Variants in PDZK1 observed in about 807,000 individuals in gnomAD.
The protein encoded by PDZK1 is Na(+)/H(+) exchange regulatory cofactor NHE-RF3.
Under a neutral mutation model 38.1 loss-of-function variants are expected in PDZK1, and 23 were observed. That is an observed-to-expected ratio of 0.60 (90% CI 0.43 to 0.85). PDZK1 has a LOEUF of 0.85. PDZK1 is among the 40% of genes least tolerant of loss of function. The pLI is 0.00. For missense variants in PDZK1, 297 were observed against 504.3 expected, an observed-to-expected ratio of 0.59 and a Z score of 3.94; for synonymous variants, 98 against 186.2, an observed-to-expected ratio of 0.53 and a Z score of 3.86.
intron 6 of PDZK1, chr1:145,674,199 A>G (rs1340398271): frequency 2.0e-6 from 2 of 985,306 alleles, no homozygotes; most frequent in African/African-American, 3.5e-5. Flanking sequence ...CATGATAGTG[A>G]GCAAGTCACT....
intron 3 of PDZK1, among the ~76,000 whole-genome samples, chr1:145,683,786 G>A (rs1654487558): frequency 6.6e-6 from 1 of 151,068 alleles, no homozygotes; most frequent in South Asian, 2.1e-4. Context: ...TCAGCATACA[G>A]TATTTTTTCT....
intron 1 of PDZK1, among the ~76,000 whole-genome samples, chr1:145,697,763 A>ATTTTTTTTTTTTTTTTTTTTTTTTTTTT (rs10564713): frequency 2.2e-5 from 1 of 44,940 alleles, no homozygotes. Context: ...TGCCCAGCTA[A>ATTTTTTTTTTTTTTTTTTTTTTTTTTTT]TTTTTTTTTT....
At chr1:145,700,864 G>A (rs1158247690) in intron 1 of PDZK1, among the ~76,000 whole-genome samples, 2 of 152,262 alleles carry the variant, frequency 1.3e-5, no homozygotes, top group South Asian at 2.1e-4. Flanking sequence ...CTCCCCACAA[G>A]GCACTTACAT....
rs1553704539 is a variant in PDZK1, at chr1:145,698,563, C to T, written c.-3+8754G>A. Among the ~76,000 whole-genome samples, 21 of 152,054 alleles carry T rather than the reference C, an allele frequency of 1.4e-4. 1 individual carries two copies. ...CATGGGTTCCCATGGATTTTTCTTA[C>T]AGTAATATACATCAAGAATAGAAAA... On this transcript the variant is annotated intron_variant, in intron 1 of 8. Coordinates refer to ENST00000417171, the MANE Select transcript of PDZK1 (RefSeq NM_001201325.2).
In PDZK1 at chr1:145,679,167, C is replaced by CTTTT. The variant is rs1571587405; in HGVS notation, c.794-523_794-522insAAAA. Among the ~76,000 whole-genome samples the CTTTT allele has an allele frequency of 2.7e-5, 4 of 148,308 alleles. No individual in the cohort carries two copies. The East Asian group carries it at 7.8e-4, about 29-fold the overall frequency. On this transcript the variant is annotated intron_variant, in intron 5 of 8. Coordinates refer to ENST00000417171, the MANE Select transcript of PDZK1 (RefSeq NM_001201325.2). ...CTTCTGGTATCTTCACCAGATGCTG[C>CTTTT]CTTTTTTTTTTTTTTTAACAAGTTC... is the stretch of plus-strand genomic sequence containing the variant.
chr1:145,693,894 C>G (rs1303439916), intron 1 of PDZK1, among the ~76,000 whole-genome samples: 1 of 152,098 alleles, frequency 6.6e-6, no homozygotes, highest in African/African-American at 2.4e-5. Context: ...TCACAGCCAC[C>G]CTGGGCTCAC....
chr1:145,702,571 C>T (rs1192773013), intron 1 of PDZK1, among the ~76,000 whole-genome samples: 1 of 151,964 alleles, frequency 6.6e-6, no homozygotes, highest in African/African-American at 2.4e-5. Context: ...ATACTACCAT[C>T]TCAAAAATAA....
chr1:145,688,348 C>G (rs1311164824), intron 1 of PDZK1, among the ~76,000 whole-genome samples: 3 of 152,070 alleles, frequency 2.0e-5, no homozygotes, highest in African/African-American at 7.2e-5. Context: ...ATACATGACC[C>G]AAAAAATTTA....
chr1:145,671,974 A>C (rs1296807042), intron 8 of PDZK1, among the ~76,000 whole-genome samples: 1 of 151,918 alleles, frequency 6.6e-6, no homozygotes, highest in Non-Finnish European at 1.5e-5. Flanking sequence ...TCCACCCATT[A>C]GCAGAATTAA....
At chr1:145,693,645 G>T (rs1655418952) in intron 1 of PDZK1, among the ~76,000 whole-genome samples, 1 of 151,956 alleles carries the variant, frequency 6.6e-6, no homozygotes, top group Non-Finnish European at 1.5e-5. Flanking sequence ...GTGGTGGCGG[G>T]CGCCTGTGGT....
rs1553702328 is a variant in PDZK1 at position 145,688,015 on chromosome 1, A to G, written c.7T>C (p.Ser3Pro). 6 of 1,612,736 alleles carry G rather than the reference A, an allele frequency of 3.7e-6. No homozygotes were observed. The highest frequency in any genetic ancestry group is 5.1e-6 in the Non-Finnish European group (6 of 1,179,112). MT[S>P]TFNPRECKLS... ...TTACATTCTCGGGGGTTGAAGGTGG[A>G]GGTCATTTCTGTGATGAAAAAAATA... is the stretch of plus-strand genomic sequence containing the variant. The change falls in exon 2 of 9, where the codon TCC (serine) becomes CCC (proline). Residue 3 changes from serine to proline, a missense_variant. Physicochemically the swap from Ser to Pro is moderately conservative, Grantham distance 74 (BLOSUM62 -1). This residue lies in a region of PDZK1 where 159 missense variants were observed against 200.0 expected (regional missense o/e 0.79). Coordinates refer to ENST00000417171, the MANE Select transcript of PDZK1 (RefSeq NM_001201325.2).
chr1:145,684,302 G>A (rs1299808424), intron 3 of PDZK1, among the ~76,000 whole-genome samples: 7 of 140,852 alleles, frequency 5.0e-5, no homozygotes, highest in Middle Eastern at 4.2e-3. Context: ...TCCGCCTCCC[G>A]GGTTCACACC....
chr1:145,699,798 G>C (rs1367939109), intron 1 of PDZK1, among the ~76,000 whole-genome samples: 1 of 152,204 alleles, frequency 6.6e-6, no homozygotes, highest in African/African-American at 2.4e-5. Context: ...AAGGGTTTTA[G>C]AGCCAAACCT....
intron 1 of PDZK1, among the ~76,000 whole-genome samples, chr1:145,701,895 T>C (rs1271375867): frequency 2.6e-5 from 4 of 152,216 alleles, no homozygotes; most frequent in African/African-American, 9.7e-5. Flanking sequence ...CTGCCTGGAT[T>C]TCTCCTCTGA....
chr1:145,674,826 T>C (rs1205924277), intron 6 of PDZK1, among the ~76,000 whole-genome samples: 3 of 152,278 alleles, frequency 2.0e-5, no homozygotes, highest in East Asian at 3.9e-4. Flanking sequence ...CCTGTATCTA[T>C]ATCCTACTAG....
intron 3 of PDZK1, among the ~76,000 whole-genome samples, chr1:145,685,349 T>C (rs1277492006): frequency 6.6e-6 from 1 of 152,148 alleles, no homozygotes; most frequent in Non-Finnish European, 1.5e-5. Context: ...TGCTACCTTG[T>C]TATATATTTG....
chr1:145,691,126 C>T lies in PDZK1; in HGVS notation c.-2-3103G>A, dbSNP rs587732626. On this transcript the variant is annotated intron_variant, in intron 1 of 8. Coordinates refer to ENST00000417171, the MANE Select transcript of PDZK1 (RefSeq NM_001201325.2). ...GCCATTAATGGATTAATGCTATGGC[C>T]ATCGATCTGCATGTACCCAGGCCAA... Among the ~76,000 whole-genome samples the T allele has an allele frequency of 5.3e-5, 8 of 152,318 alleles. No homozygotes were observed. In the South Asian group the frequency reaches 1.7e-3, roughly 32 times the overall value.
intron 6 of PDZK1, among the ~76,000 whole-genome samples, chr1:145,676,559 C>T (rs1653690633): frequency 6.7e-6 from 1 of 149,050 alleles, no homozygotes; most frequent in African/African-American, 2.5e-5. Context: ...CATGGTAAAA[C>T]TACTAAAATA....
intron 3 of PDZK1, among the ~76,000 whole-genome samples, chr1:145,684,555 G>A (rs1654584833): frequency 6.6e-6 from 1 of 152,042 alleles, no homozygotes; most frequent in African/African-American, 2.4e-5. Flanking sequence ...ATATTTATAG[G>A]GTGTGTGTCA....
Sources: gnomAD v4.1 joint callset for allele counts (sites outside exome capture counted in the v4.1 genomes callset) on GRCh38, gnomAD v4.1.1 for gene constraint, gnomAD v4.1.1 regional missense constraint, MANE v1.5 for transcripts, NCBI Gene and HGNC (gene_info 2026-07-23, HGNC 2026-07-21) for gene names.